Variants in FLT3 observed in about 807,000 individuals in gnomAD.
FLT3 encodes receptor-type tyrosine-protein kinase FLT3.
In FLT3, 46 loss-of-function variants were observed where a neutral mutation model predicts 126.6. That is an observed-to-expected ratio of 0.36 (90% CI 0.29 to 0.46). The LOEUF (loss-of-function observed/expected upper bound fraction) is 0.46. Among genes scored for constraint, FLT3 ranks in the 20% least tolerant of loss-of-function variants. The pLI is 1.00. For missense variants in FLT3, 1,069 were observed against 1,190.3 expected, an observed-to-expected ratio of 0.90 and a Z score of 1.50; for synonymous variants, 404 against 434.4, an observed-to-expected ratio of 0.93 and a Z score of 0.87.
Position 28,061,878 on chromosome 13 carries a change from A to G in FLT3, c.357T>C (p.Asp119=), listed in dbSNP as rs1474890682. Residue 119 remains aspartate (D), a synonymous_variant, in exon 3 of 24, where the codon GAT becomes GAC. Coordinates refer to ENST00000241453, the MANE Select transcript of FLT3 (RefSeq NM_004119.3). ...ATTCCTCCACTTACCTGTTTTGTAA[A>G]TCAAAATGTGGCTGGCAATTCAGGG... The part of the protein sequence containing the change: ...HSSLNCQPHF[D]LQNRGVVSMV... 1 of 1,613,820 alleles carries G rather than the reference A, an allele frequency of 6.2e-7. No individual in the cohort carries two copies. The highest frequency in any genetic ancestry group is 8.5e-7 in the Non-Finnish European group (1 of 1,179,726).
chr13:28,005,202 G>A (rs749883019), intron 23 of FLT3, among the ~76,000 whole-genome samples: 14 of 152,272 alleles, frequency 9.2e-5, no homozygotes, highest in East Asian at 1.9e-4. Context: ...GGCGGCGCGC[G>A]CCTGCAGTCC....
At chr13:28,044,078 G>C (rs888550084) in intron 9 of FLT3, among the ~76,000 whole-genome samples, 4 of 151,370 alleles carry the variant, frequency 2.6e-5, no homozygotes, top group Admixed American at 2.6e-4. Flanking sequence ...GCCAGGAGGA[G>C]GAGGTTGCAG....
In FLT3 at chr13:28,033,898, T is replaced by C. The variant is rs1873583105; in HGVS notation, c.1931A>G (p.Lys644Arg). ...CCACTATACTGTACCTTTCAGCATT[T>C]TGACGGCAACCTGGATTGAGACTCC... ...KTGVSIQVAV[K>R]MLKEKADSSE... Residue 644 changes from lysine to arginine, a missense_variant, in exon 15 of 24, where the codon AAA becomes AGA. Transcript: ENST00000241453. 2 of 1,613,956 alleles carry C rather than the reference T, an allele frequency of 1.2e-6. No individual in the cohort carries two copies. The highest frequency in any genetic ancestry group is 1.1e-5 in the South Asian group (1 of 91,066).
In FLT3 at chr13:28,044,120, T is replaced by A. The variant is rs541703087; in HGVS notation, c.1205+4155A>T. ...AAGATTGCGCCACTGCACTCTAGCC[T>A]GGGTGACAGAGCGAGACTCCGTCTC... On this transcript the variant is annotated intron_variant, in intron 9 of 23. Transcript: ENST00000241453. 1.5e-4 allele frequency among the ~76,000 whole-genome samples: 22 copies of A among 148,928 alleles called. 1 individual carries two copies. Among genetic ancestry groups the A allele is most frequent in the Middle Eastern group, 3.6e-3 (1 of 278 alleles).
At chr13:28,022,511 AAAAAC>A (rs1377403538) in intron 19 of FLT3, among the ~76,000 whole-genome samples, 2 of 152,132 alleles carry the variant, frequency 1.3e-5, no homozygotes, top group Non-Finnish European at 2.9e-5. Flanking sequence ...GACTGTCTCC[AAAAAC>A]AAAACAAAAC....
At chr13:28,033,297 A>AAAAGTAAAAC (rs1873520151) in intron 15 of FLT3, among the ~76,000 whole-genome samples, 1 of 151,700 alleles carries the variant, frequency 6.6e-6, no homozygotes, top group Non-Finnish European at 1.5e-5. Context: ...TCCTGTCTCT[A>AAAAGTAAAAC]AAAATAAAAC....
At chr13:28,075,138 AT>A (rs1307982421) in intron 1 of FLT3, among the ~76,000 whole-genome samples, 3 of 152,220 alleles carry the variant, frequency 2.0e-5, no homozygotes, top group African/African-American at 7.2e-5. Context: ...ACGGAGTATA[AT>A]GTGATGTTTT....
Position 28,034,295 on chromosome 13 carries a change from T to G in FLT3, c.1704+6A>C, listed in dbSNP as rs760501675. ...AAGAATAATGAATTTTTACCTTTGCTTTTACCTTTTTGTACTTGTGACAAA... is the reference window on the plus strand; with the variant it reads ...AAGAATAATGAATTTTTACCTTTGCGTTTACCTTTTTGTACTTGTGACAAA... On this transcript the variant is annotated splice_donor_region_variant and intron_variant, in intron 13 of 23. Transcript: ENST00000241453. 3.7e-6 allele frequency: 6 copies of G among 1,613,306 alleles called. No homozygotes were observed. The highest frequency in any genetic ancestry group is 5.1e-6 in the Non-Finnish European group (6 of 1,179,250).
At chr13:28,043,201 T>C (rs939746602) in intron 9 of FLT3, among the ~76,000 whole-genome samples, 214 of 140,574 alleles carry the variant, frequency 1.5e-3, no homozygotes, top group Non-Finnish European at 2.3e-3. Flanking sequence ...TTTTTTTTTT[T>C]CCCATAAAAG....
chr13:28,049,673 C>T lies in FLT3; in HGVS notation c.844G>A (p.Gly282Arg), dbSNP rs587778371. 4.2e-5 allele frequency: 68 copies of T among 1,614,078 alleles called. 1 individual carries two copies. In the Admixed American group the frequency reaches 1.0e-3, roughly 24 times the overall value. Residue 282 changes from glycine (G) to arginine (R), a missense_variant, in exon 7 of 24, where the codon GGG (glycine) becomes AGG (arginine). Gly to Arg is a moderately radical substitution (Grantham distance 125, BLOSUM62 -2). Coordinates refer to ENST00000241453, the MANE Select transcript of FLT3 (RefSeq NM_004119.3). ...TTGTTTTCTAATTCCCAGGTGAGCCCGAATCCATGGTTCACATGAACAGCT... is the reference window on the plus strand; with the variant it reads ...TTGTTTTCTAATTCCCAGGTGAGCCTGAATCCATGGTTCACATGAACAGCT... ...CKAVHVNHGF[G>R]LTWELENKAL...
intron 23 of FLT3, among the ~76,000 whole-genome samples, chr13:28,010,110 T>C (rs1593207680): frequency 1.3e-5 from 2 of 152,304 alleles, no homozygotes; most frequent in African/African-American, 4.8e-5. Context: ...TTATGCTCTC[T>C]TTTTCTTTCT....
intron 1 of FLT3, among the ~76,000 whole-genome samples, chr13:28,093,684 T>C (rs1879273664): frequency 6.6e-6 from 1 of 152,218 alleles, no homozygotes; most frequent in South Asian, 2.1e-4. Context: ...CCAGTATGAC[T>C]CTGGCATCAC....
chr13:28,007,438 G>A (rs117717161), intron 23 of FLT3, among the ~76,000 whole-genome samples: 543 of 151,986 alleles, frequency 3.6e-3, no homozygotes, highest in Non-Finnish European at 6.0e-3. Flanking sequence ...GTAGAGATGG[G>A]GTCCCATTAT....
chr13:28,023,091 G>C (rs954390008), intron 19 of FLT3, among the ~76,000 whole-genome samples: 1 of 152,146 alleles, frequency 6.6e-6, no homozygotes, highest in African/African-American at 2.4e-5. Context: ...TTCCTATCTC[G>C]ACCTTCAGCC....
At chr13:28,019,953 T>A (rs1471232642) in intron 19 of FLT3, among the ~76,000 whole-genome samples, 1 of 152,214 alleles carries the variant, frequency 6.6e-6, no homozygotes, top group Non-Finnish European at 1.5e-5. Flanking sequence ...AACCTAGGGA[T>A]GCAACCACCA....
Position 28,049,637 on chromosome 13 carries a change from C to G in FLT3, c.880G>C (p.Glu294Gln). Reference protein sequence around the residue: ...TWELENKALEEGNYFEMSTYS... With the variant: ...TWELENKALEQGNYFEMSTYS... ...AGAATACAAACTTGTCCTATTACCT[C>G]CTCGAGTGCTTTGTTTTCTAATTCC... Residue 294 changes from glutamate (E) to glutamine (Q), a missense_variant and splice_region_variant, in exon 7 of 24, where the codon GAG becomes CAG. Glu to Gln is a conservative substitution (Grantham distance 29, BLOSUM62 2). Coordinates refer to ENST00000241453, the MANE Select transcript of FLT3 (RefSeq NM_004119.3). The G allele has an allele frequency of 6.2e-7, 1 of 1,614,140 alleles. No homozygotes were observed. Among genetic ancestry groups the G allele is most frequent in the Non-Finnish European group, 8.5e-7 (1 of 1,180,006 alleles).
chr13:28,056,079 C>CCCCCAA (rs1875974533), intron 4 of FLT3, among the ~76,000 whole-genome samples: 1 of 152,114 alleles, frequency 6.6e-6, no homozygotes, highest in African/African-American at 2.4e-5. Context: ...CCTTACTCCA[C>CCCCCAA]CCCCAACCCC....
At chr13:28,015,370 C>T in intron 21 of FLT3, 114 bp from the exon 22 acceptor site, 1 of 821,462 alleles carries the variant, frequency 1.2e-6, no homozygotes, top group Non-Finnish European at 2.1e-6. Flanking sequence ...GTTGCAGGCA[C>T]ACGGGCTGCG....
intron 9 of FLT3, among the ~76,000 whole-genome samples, chr13:28,040,149 A>G: frequency 6.6e-6 from 1 of 152,240 alleles, no homozygotes; most frequent in Non-Finnish European, 1.5e-5. Context: ...ACACAACAGC[A>G]AATTCAAAAA....
Sources: allele counts gnomAD v4.1 joint callset (sites outside exome capture counted in the v4.1 genomes callset), GRCh38; gene constraint gnomAD v4.1.1; transcripts MANE v1.5; gene names NCBI Gene and HGNC (gene_info 2026-07-23, HGNC 2026-07-21).